The following ZNF346 variants were observed in gnomAD, a reference collection of about 807,000 sequenced individuals.
ZNF346 encodes double-stranded RNA-binding zinc finger protein JAZ.
ZNF346 carries 23 observed loss-of-function variants against 33.7 expected under a neutral mutation model. That is an observed-to-expected ratio of 0.68 (90% confidence interval 0.49 to 0.97). ZNF346 has a LOEUF of 0.97. Ranked by LOEUF, ZNF346 falls within the 50% of genes least tolerant of loss-of-function variation. ZNF346 has a pLI of 0.00. For synonymous variants in ZNF346, 134 were observed against 142.4 expected (o/e 0.94, Z 0.42); for missense variants, 340 against 371.1 (o/e 0.92, Z 0.69).
chr5:177,028,521 T>TATATATATATATATA (rs56006820), intron 1 of ZNF346, among the ~76,000 whole-genome samples: 24 of 135,824 alleles, frequency 1.8e-4, no homozygotes, highest in South Asian at 9.1e-4. Flanking sequence ...TATATATATA[T>TATATATATATATATA]TTCCCTCCAT....
rs1287446699 is a variant in ZNF346, at chr5:177,041,170, C to G, written c.220C>G (p.Gln74Glu). The G allele has an allele frequency of 6.2e-7, 1 of 1,614,088 alleles. No homozygotes were observed. The highest frequency in any genetic ancestry group is 8.5e-7 in the Non-Finnish European group (1 of 1,180,032). The change falls in exon 2 of 7, where the codon CAG becomes GAG. Residue 74 changes from glutamine to glutamate, a missense_variant. By Grantham distance (29) the Gln-to-Glu change is conservative. Transcript: ENST00000358149. Reference protein sequence around the residue: ...QKNQCLFTNTQCKVCCALLIS... With the variant: ...QKNQCLFTNTECKVCCALLIS... ...GAACCAATGTCTCTTCACCAACACC[C>G]AGTGTAAGGTTTGCTGCGCCTTGCT... is the stretch of plus-strand genomic sequence containing the variant.
chr5:177,035,416 T>A (rs991908930), intron 1 of ZNF346, among the ~76,000 whole-genome samples: 1 of 152,046 alleles, frequency 6.6e-6, no homozygotes, highest in African/African-American at 2.4e-5. Context: ...GCAGATATCA[T>A]GGCAAAAAGG....
chr5:177,030,092 T>A (rs1028642876), intron 1 of ZNF346, among the ~76,000 whole-genome samples: 2 of 152,016 alleles, frequency 1.3e-5, no homozygotes, highest in African/African-American at 2.4e-5. Flanking sequence ...ATAAACTGAG[T>A]TTTTTTTCTC....
intron 1 of ZNF346, among the ~76,000 whole-genome samples, chr5:177,023,814 G>C (rs1173500720): frequency 6.6e-6 from 1 of 151,994 alleles, no homozygotes; most frequent in African/African-American, 2.4e-5. Context: ...TGATTTGTTT[G>C]CTTGCTGAGC....
downstream of ZNF346, among the ~76,000 whole-genome samples, chr5:177,068,697 T>A (rs1215625567): frequency 1.4e-5 from 2 of 141,894 alleles, no homozygotes; most frequent in Non-Finnish European, 3.0e-5. Context: ...CTGAGTCAGC[T>A]CCACCTAAAA....
At chr5:177,026,212 C>T in intron 1 of ZNF346, among the ~76,000 whole-genome samples, 1 of 151,896 alleles carries the variant, frequency 6.6e-6, no homozygotes, top group Non-Finnish European at 1.5e-5. Context: ...ACCACGTTGG[C>T]CAGGCTGGTC....
intron 1 of ZNF346, among the ~76,000 whole-genome samples, chr5:177,038,720 C>T (rs980949036): frequency 5.3e-5 from 8 of 151,890 alleles, no homozygotes; most frequent in African/African-American, 1.7e-4. Flanking sequence ...TCTGAATATG[C>T]TTGAAACCTC....
At chr5:177,058,250 G>T (rs571129956) in intron 5 of ZNF346, among the ~76,000 whole-genome samples, 2 of 151,648 alleles carry the variant, frequency 1.3e-5, no homozygotes, top group Admixed American at 6.6e-5. Flanking sequence ...TGAGGCAGGC[G>T]GATCACCTGA....
In ZNF346 at chr5:177,067,950, AAAAAT is replaced by A. The variant is rs1213692772; in HGVS notation, c.*3360_*3364del. On this transcript the variant is annotated 3_prime_UTR_variant, in exon 7 of 7. Transcript: ENST00000358149. ...TGAAATCCCATCTCTACAAAAAATA[AAAAAT>A]AAAATAAATAAAAACCATGGAGAGA... Among the ~76,000 whole-genome samples, 4 of 152,142 alleles carry A rather than the reference AAAAAT, an allele frequency of 2.6e-5. No individual in the cohort carries two copies. Among genetic ancestry groups the A allele is most frequent in the African/African-American group, 4.8e-5 (2 of 41,440 alleles).
Position 177,053,459 on chromosome 5 carries a change from T to C in ZNF346, c.703+2523T>C, listed in dbSNP as rs1285920811. Among the ~76,000 whole-genome samples, 4 of 152,048 alleles carry C rather than the reference T, an allele frequency of 2.6e-5. No individual in the cohort carries two copies. In the East Asian group the frequency reaches 5.8e-4, roughly 22 times the overall value. On this transcript the variant is annotated intron_variant, in intron 5 of 6. Transcript: ENST00000358149. ...AGCCGTTACACCCAGCCTGCTGTTA[T>C]CAAGTATGCATTTAAGTCTTGCCCA...
chr5:177,038,877 TGTGTGTGTGTGTG>T (rs1778952480), intron 1 of ZNF346, among the ~76,000 whole-genome samples: 1 of 7,176 alleles, frequency 1.4e-4, no homozygotes, highest in African/African-American at 1.6e-4. Flanking sequence ...TTCTTCTTCT[TGTGTGTGTGTGTG>T]TGTGTGTGTG....
chr5:177,074,631 AG>A (rs1783656288), intron 8 of ZNF346, among the ~76,000 whole-genome samples: 1 of 152,162 alleles, frequency 6.6e-6, no homozygotes, highest in South Asian at 2.1e-4. Context: ...AAAGTGCATG[AG>A]CCAGTACATT....
At position 177,022,701 on chromosome 5, in the gene ZNF346, C is replaced by G. The variant is rs900321249; in HGVS notation, c.-38C>G. 7 of 1,501,234 alleles carry G rather than the reference C, an allele frequency of 4.7e-6. No individual in the cohort carries two copies. In the African/African-American group the frequency reaches 1.0e-4, roughly 22 times the overall value. The allele number at this position is 1,501,234 out of a possible 1,614,324, so 93.0% of individuals were successfully genotyped here. The stretch of plus-strand genomic sequence containing the variant: ...CACCAAATCTCGCGATACCTAGGCG[C>G]CTGAGAGGCTCTCTACCGGTGAGGG... On this transcript the variant is annotated 5_prime_UTR_variant, in exon 1 of 7. Coordinates refer to ENST00000358149, the MANE Select transcript of ZNF346 (RefSeq NM_012279.4).
rs1260061430 is a variant in ZNF346, at chr5:177,077,003, T to C, written c.*3-2379T>C. On this transcript the variant is annotated intron_variant, in intron 8 of 8. Transcript: ENST00000503039. This position sits in a 1 kb window ranked among gnomAD's most constrained non-coding sequence, Gnocchi z 5.0. ...TTGCAGTGAGCCGAGATCACGCCAC[T>C]GTACTCCAGCTTGGGCGACAGAGCG... Among the ~76,000 whole-genome samples, 2 of 152,222 alleles carry C rather than the reference T, an allele frequency of 1.3e-5. No individual in the cohort carries two copies. Among genetic ancestry groups the C allele is most frequent in the Non-Finnish European group, 2.9e-5 (2 of 68,032 alleles).
intron 4 of ZNF346, among the ~76,000 whole-genome samples, chr5:177,050,378 G>A (rs1228593682): frequency 1.3e-5 from 2 of 152,196 alleles, no homozygotes; most frequent in African/African-American, 2.4e-5. Flanking sequence ...AGGTATCCCT[G>A]CAAGAGTGCA....
chr5:177,047,124 C>T (rs2149652720), intron 4 of ZNF346, among the ~76,000 whole-genome samples: 1 of 151,886 alleles, frequency 6.6e-6, no homozygotes, highest in South Asian at 2.1e-4. Flanking sequence ...TCTCGGCTCA[C>T]TGCAACCTCC....
chr5:177,044,454 T>C lies in ZNF346; in HGVS notation c.438T>C (p.Pro146=). The part of the protein sequence containing the change: ...CPICNMTFSS[P]VVAQSHYLGK... ...TCTGTAACATGACCTTTTCCTCCCC[T>C]GTCGTGGCCCAGTCGCACTACCTGG... Residue 146 remains proline (P), a synonymous_variant, in exon 4 of 7, where the codon CCT becomes CCC. Coordinates refer to ENST00000358149, the MANE Select transcript of ZNF346 (RefSeq NM_012279.4). 1.2e-6 allele frequency: 2 copies of C among 1,614,128 alleles called. No individual in the cohort carries two copies. Among genetic ancestry groups the C allele is most frequent in the South Asian group, 1.1e-5 (1 of 91,080 alleles).
Position 177,022,908 on chromosome 5 carries a change from A to G in ZNF346, c.170A>G (p.Glu57Gly). The G allele has an allele frequency of 2.7e-6, 4 of 1,478,236 alleles. No homozygotes were observed. The South Asian group carries it at 5.4e-5, about 20-fold the overall frequency. 91.6% of individuals were successfully genotyped at this position (1,478,236 alleles called of 1,614,324 possible). A position where few individuals can be genotyped will look rare whatever the true frequency, so the allele number is the denominator to read the frequency against. ...TCCGGTGCCCAGCCGGTGGGTAGAG[A>G]GGAAGGTGAGTCGGGGGCTTTGGAG... ...AVSGAQPVGREEVEHMIQKNQ... is the reference protein window; with the variant it reads ...AVSGAQPVGRGEVEHMIQKNQ... Residue 57 changes from glutamate to glycine, a missense_variant, in exon 1 of 7, where the codon GAG (glutamate) becomes GGG (glycine). Coordinates refer to ENST00000358149, the MANE Select transcript of ZNF346 (RefSeq NM_012279.4).
rs1562045335 is a variant in ZNF346, at chr5:177,067,575, G to A, written c.*2976G>A. On this transcript the variant is annotated 3_prime_UTR_variant, in exon 7 of 7. Coordinates refer to ENST00000358149, the MANE Select transcript of ZNF346 (RefSeq NM_012279.4). ...CTATCATACCGTGAGCCTCCGGCCT[G>A]CAAGACCACTTTGTAGTCCCTACCA... 6.6e-6 allele frequency among the ~76,000 whole-genome samples: 1 copy of A among 152,214 alleles called. No individual in the cohort carries two copies. Among genetic ancestry groups the A allele is most frequent in the Non-Finnish European group, 1.5e-5 (1 of 68,028 alleles).
Sources: allele counts gnomAD v4.1 joint callset (sites outside exome capture counted in the v4.1 genomes callset), GRCh38; gene constraint gnomAD v4.1.1; non-coding constraint Gnocchi (gnomAD v3.1); transcripts MANE v1.5; gene names NCBI Gene and HGNC (gene_info 2026-07-23, HGNC 2026-07-21).